TMEM165: variants seen among roughly 807,000 people sequenced by gnomAD.
TMEM165 encodes the protein putative divalent cation/proton antiporter TMEM165.
A neutral mutation model predicts 30.0 loss-of-function variants in TMEM165; 19 were observed. The ratio of observed to expected loss-of-function variants is 0.63; its 90% CI spans 0.44 to 0.93. The LOEUF (loss-of-function observed/expected upper bound fraction) is 0.93. Ranked by LOEUF, TMEM165 falls within the 40% of genes least tolerant of loss-of-function variation. The pLI, the probability that TMEM165 is intolerant of heterozygous loss-of-function variation, is 0.00. For synonymous variants in TMEM165, 168 were observed against 162.9 expected (o/e 1.03, Z -0.24); for missense variants, 340 against 417.0 (o/e 0.82, Z 1.61).
intron 1 of TMEM165, among the ~76,000 whole-genome samples, chr4:55,405,414 T>C (rs1721228260): frequency 6.6e-6 from 1 of 152,070 alleles, no homozygotes; most frequent in South Asian, 2.1e-4. Flanking sequence ...ACCTTGAGGC[T>C]GTCCTAGGCT....
intron 4 of TMEM165, among the ~76,000 whole-genome samples, chr4:55,419,717 A>G (rs1721885869): frequency 6.6e-6 from 1 of 151,972 alleles, no homozygotes; most frequent in South Asian, 2.1e-4. Context: ...TTCTCTTTTT[A>G]TAAGAGTAAA....
intron 4 of TMEM165, chr4:55,424,180 G>C (rs1405516952): frequency 5.1e-6 from 1 of 195,156 alleles, no homozygotes; most frequent in Non-Finnish European, 1.0e-5. Context: ...GTATCTGAGG[G>C]AACAGATGTC....
intron 3 of TMEM165, among the ~76,000 whole-genome samples, chr4:55,441,954 C>T (rs1457844861): frequency 6.6e-6 from 1 of 152,210 alleles, no homozygotes; most frequent in Non-Finnish European, 1.5e-5. Flanking sequence ...TGGCTAATTA[C>T]TGAAAACTCA....
chr4:55,423,170 A>C (rs1002874682), intron 4 of TMEM165: 2 of 152,266 alleles, frequency 1.3e-5, no homozygotes, highest in Non-Finnish European at 1.5e-5. Context: ...CCTGGCCTCA[A>C]GTGATCCTTC....
rs1356913314 is a variant in TMEM165 at position 55,400,286 on chromosome 4, TA to T, written c.207+3891del. ...ATATAATATATAATATAATATTATA[TA>T]TTATATATAATATTATATATAATAT... On this transcript the variant is annotated intron_variant, in intron 1 of 5. Transcript: ENST00000381334. 5.1e-5 allele frequency among the ~76,000 whole-genome samples: 5 copies of T among 98,568 alleles called. No individual in the cohort carries two copies. In the East Asian group the frequency reaches 8.7e-4, roughly 17 times the overall value. The allele number at this position is 98,568 out of a possible 152,430, so 64.7% of individuals were successfully genotyped here. A position where few individuals can be genotyped will look rare whatever the true frequency, so the allele number is the denominator to read the frequency against.
chr4:55,396,455 C>T (rs1720731909), intron 1 of TMEM165, 59 bp downstream of exon 1: 3 of 1,313,802 alleles, frequency 2.3e-6, no homozygotes, highest in South Asian at 3.7e-5. Context: ...GAGTACCAGG[C>T]TCCAGGCCTT....
At chr4:55,448,378 A>G (rs1166467271) in intron 3 of TMEM165, among the ~76,000 whole-genome samples, 1 of 152,152 alleles carries the variant, frequency 6.6e-6, no homozygotes, top group Non-Finnish European at 1.5e-5. Context: ...GTGTTCCTCA[A>G]TGAGGGAGTG....
At chr4:55,422,811 G>A (rs566377950) in intron 4 of TMEM165, among the ~76,000 whole-genome samples, 3 of 151,880 alleles carry the variant, frequency 2.0e-5, no homozygotes, top group East Asian at 3.9e-4. Context: ...CACCACACCC[G>A]GCTAATTTTT....
intron 1 of TMEM165, among the ~76,000 whole-genome samples, chr4:55,406,354 A>G (rs1721266738): frequency 6.6e-6 from 1 of 152,222 alleles, no homozygotes; most frequent in African/African-American, 2.4e-5. Context: ...ATGAGAAGTT[A>G]CGTCTCTTTT....
chr4:55,438,395 T>TCTGTG, intron 3 of TMEM165: 1 of 1,613,944 alleles, frequency 6.2e-7, no homozygotes, highest in Non-Finnish European at 8.5e-7. Context: ...ACTGACAATG[T>TCTGTG]CTGTGACTGT....
At chr4:55,441,594 G>A (rs1290883779) in intron 3 of TMEM165, among the ~76,000 whole-genome samples, 2 of 152,194 alleles carry the variant, frequency 1.3e-5, no homozygotes, top group African/African-American at 4.8e-5. Flanking sequence ...CTTGGATGGA[G>A]CTGGAGGCCA....
intron 3 of TMEM165, chr4:55,434,467 A>G (rs1722730870): frequency 6.6e-6 from 1 of 152,670 alleles, no homozygotes; most frequent in Admixed American, 6.5e-5. Context: ...AAAATATGCA[A>G]TCAAAACTCC....
intron 2 of TMEM165, among the ~76,000 whole-genome samples, chr4:55,413,318 C>CT (rs200197336): frequency 0.014 from 2,040 of 151,012 alleles, 42 homozygotes; most frequent in African/African-American, 0.047. Flanking sequence ...ATTTATTTAT[C>CT]TTTTTATTTA....
rs1294390824 is a variant in TMEM165, at chr4:55,400,337, ATAT to A, written c.207+3944_207+3946del. On this transcript the variant is annotated intron_variant, in intron 1 of 5. Coordinates refer to ENST00000381334, the MANE Select transcript of TMEM165 (RefSeq NM_018475.5). Reference sequence around the variant, plus strand: ...TTAATACTGTATTATATATAATATAATATTAATTATATTATATTAATATAATTA... The same window carrying A: ...TTAATACTGTATTATATATAATATAATAATTATATTATATTAATATAATTA... Among the ~76,000 whole-genome samples the A allele has an allele frequency of 1.7e-4, 10 of 57,836 alleles. No individual in the cohort carries two copies. The East Asian group carries it at 2.3e-3, about 13-fold the overall frequency. 37.9% of individuals were successfully genotyped at this position (57,836 alleles called of 152,430 possible).
intron 2 of TMEM165, chr4:55,412,119 G>A (rs1027833185): frequency 1.5e-4 from 68 of 443,364 alleles, no homozygotes; most frequent in Non-Finnish European, 4.1e-5. Context: ...TTAGGGCTGG[G>A]CACAGTCACT....
intron 3 of TMEM165, chr4:55,438,218 A>G: frequency 6.4e-7 from 1 of 1,562,658 alleles, no homozygotes; most frequent in African/African-American, 1.4e-5. Flanking sequence ...CTGTTCACTT[A>G]ATGCTTAATT....
chr4:55,422,303 G>T (rs940203601), intron 4 of TMEM165, among the ~76,000 whole-genome samples: 3 of 152,134 alleles, frequency 2.0e-5, no homozygotes, highest in African/African-American at 7.2e-5. Context: ...TGTCACCCAG[G>T]CTGGAGTACA....
chr4:55,417,788 T>C lies in TMEM165; in HGVS notation c.610-15T>C, dbSNP rs780500026. 4.4e-6 allele frequency: 7 copies of C among 1,577,466 alleles called. No homozygotes were observed. Among genetic ancestry groups the C allele is most frequent in the Non-Finnish European group, 6.0e-6 (7 of 1,162,076 alleles). ...CTTCCTGTGCTTACTTTCATTTGTT[T>C]ATTATTTATTTTAGTTTCAACGAAC... On this transcript the variant is annotated splice_polypyrimidine_tract_variant and intron_variant, in intron 3 of 5. Coordinates refer to ENST00000381334, the MANE Select transcript of TMEM165 (RefSeq NM_018475.5).
intron 1 of TMEM165, among the ~76,000 whole-genome samples, chr4:55,408,025 C>T (rs1721341073): frequency 1.3e-5 from 2 of 152,182 alleles, no homozygotes; most frequent in African/African-American, 4.8e-5. Flanking sequence ...TACACTTAAC[C>T]ACTACACTGT....
Sources: gnomAD v4.1 joint callset for allele counts (sites outside exome capture counted in the v4.1 genomes callset) on GRCh38, gnomAD v4.1.1 for gene constraint, MANE v1.5 for transcripts, NCBI Gene and HGNC (gene_info 2026-07-23, HGNC 2026-07-21) for gene names.